FAM107B: variants seen among roughly 807,000 people sequenced by gnomAD.
FAM107B encodes protein FAM107B.
In FAM107B, 21 loss-of-function variants were observed where a neutral mutation model predicts 31.5. The ratio of observed to expected loss-of-function variants is 0.67; its 90% confidence interval spans 0.47 to 0.96. The LOEUF (loss-of-function observed/expected upper bound fraction) is 0.96. Among genes scored for constraint, FAM107B ranks in the 40% least tolerant of loss-of-function variants. The pLI, the probability that FAM107B is intolerant of heterozygous loss-of-function variation, is 0.00. For synonymous variants in FAM107B, 157 were observed against 141.5 expected, an observed-to-expected ratio of 1.11 and a Z score of -0.78; for missense variants, 452 against 377.1, an observed-to-expected ratio of 1.20 and a Z score of -1.64.
chr10:14,576,436 C>A (rs886900958), intron 2 of FAM107B, among the ~76,000 whole-genome samples: 2 of 152,032 alleles, frequency 1.3e-5, no homozygotes, highest in South Asian at 2.1e-4. Flanking sequence ...CTGAGGTAGG[C>A]GAATCATTTG....
chr10:14,657,312 C>T (rs188693544), intron 2 of FAM107B, among the ~76,000 whole-genome samples: 7 of 152,264 alleles, frequency 4.6e-5, no homozygotes, highest in South Asian at 2.1e-4. Context: ...TTAACAGATT[C>T]GGCCTAGGAG....
chr10:14,603,994 G>T (rs1483981377), intron 2 of FAM107B, among the ~76,000 whole-genome samples: 1 of 147,226 alleles, frequency 6.8e-6, no homozygotes, highest in African/African-American at 2.4e-5. Context: ...AGCGGCCCCC[G>T]CCTCCGCGGC....
chr10:14,764,248 T>G (rs1479464840), intron 1 of FAM107B, among the ~76,000 whole-genome samples: 1 of 152,364 alleles, frequency 6.6e-6, no homozygotes, highest in African/African-American at 2.4e-5. Context: ...ATAAGTTATG[T>G]GAGGCACATC....
chr10:14,627,088 C>T (rs577809686), intron 2 of FAM107B, among the ~76,000 whole-genome samples: 22 of 152,278 alleles, frequency 1.4e-4, no homozygotes, highest in African/African-American at 5.3e-4. Context: ...AGGTTATTTA[C>T]AAGACAGACA....
At chr10:14,623,671 T>C (rs1224891425) in intron 2 of FAM107B, among the ~76,000 whole-genome samples, 6 of 151,920 alleles carry the variant, frequency 3.9e-5, no homozygotes, top group African/African-American at 9.7e-5. Flanking sequence ...ACTAAAAATA[T>C]AAAAATTAGC....
intron 1 of FAM107B, among the ~76,000 whole-genome samples, chr10:14,770,438 A>G (rs1443266353): frequency 6.6e-6 from 1 of 152,070 alleles, no homozygotes; most frequent in Non-Finnish European, 1.5e-5. Flanking sequence ...CAGGAGAATT[A>G]CTTGAACACG....
chr10:14,624,756 C>A (rs908173123), intron 2 of FAM107B, among the ~76,000 whole-genome samples: 2 of 152,162 alleles, frequency 1.3e-5, no homozygotes, highest in African/African-American at 4.8e-5. Flanking sequence ...AAGCAGCTGG[C>A]AAACGCAAGA....
chr10:14,666,402 G>T (rs527969618), intron 2 of FAM107B, among the ~76,000 whole-genome samples: 27 of 152,212 alleles, frequency 1.8e-4, no homozygotes, highest in Non-Finnish European at 3.7e-4. Flanking sequence ...CAGATCTCAT[G>T]AGAACTCACT....
At position 14,766,499 on chromosome 10, in the gene FAM107B, G is replaced by A. The variant is rs181881518; in HGVS notation, c.411+7754C>T. ...TCCTTGTCAGGTAGAACAATAGGAG[G>A]TGAGTTCAGAGAGGTACTTTGTATT... On this transcript the variant is annotated intron_variant, in intron 1 of 4. Coordinates refer to ENST00000181796, the MANE Select transcript of FAM107B (RefSeq NM_031453.4). Among the ~76,000 whole-genome samples the A allele has an allele frequency of 3.1e-3, 470 of 152,238 alleles. 1 individual carries two copies. The highest frequency in any genetic ancestry group is 5.6e-3 in the Non-Finnish European group (384 of 68,018).
chr10:14,522,011 G>T lies in FAM107B; in HGVS notation c.662C>A (p.Ala221Asp). The change falls in exon 4 of 5, where the codon GCT (alanine) becomes GAT (aspartate). Residue 221 changes from alanine (A) to aspartate (D), a missense_variant. By Grantham distance (126) the Ala-to-Asp change is moderately radical. Coordinates refer to ENST00000181796, the MANE Select transcript of FAM107B (RefSeq NM_031453.4). ...CTGCAATTCTGGTTTGTTCTGAGGAGCAAGACCCCTGCGAAAGAGCATTAA... is the reference window on the plus strand; with the variant it reads ...CTGCAATTCTGGTTTGTTCTGAGGATCAAGACCCCTGCGAAAGAGCATTAA... ...ELLMNQKRGLAPQNKPELQKV... is the reference protein window; with the variant it reads ...ELLMNQKRGLDPQNKPELQKV... 1 of 1,609,628 alleles carries T rather than the reference G, an allele frequency of 6.2e-7. No homozygotes were observed.
intron 2 of FAM107B, among the ~76,000 whole-genome samples, chr10:14,559,725 C>G (rs1031030905): frequency 5.8e-5 from 8 of 138,462 alleles, no homozygotes; most frequent in African/African-American, 2.1e-4. Flanking sequence ...GCGCCAGCCA[C>G]CGCGCCTGGC....
At chr10:14,623,439 A>G (rs1853068720) in intron 2 of FAM107B, among the ~76,000 whole-genome samples, 1 of 152,238 alleles carries the variant, frequency 6.6e-6, no homozygotes, top group African/African-American at 2.4e-5. Flanking sequence ...CAGACATTCA[A>G]AGGAGAGTGA....
intron 2 of FAM107B, among the ~76,000 whole-genome samples, chr10:14,650,913 C>A (rs9630136): frequency 0.097 from 14,709 of 152,250 alleles, 866 homozygotes; most frequent in South Asian, 0.17. Flanking sequence ...ATAAGTTCAG[C>A]GTTAAGTGTT....
At chr10:14,608,696 C>T (rs774924735) in intron 2 of FAM107B, among the ~76,000 whole-genome samples, 5 of 152,272 alleles carry the variant, frequency 3.3e-5, no homozygotes, top group Admixed American at 2.0e-4. Flanking sequence ...GGAGCTCTAG[C>T]GTTATGGGTC....
chr10:14,544,181 C>T (rs1848496934), intron 2 of FAM107B, among the ~76,000 whole-genome samples: 1 of 152,118 alleles, frequency 6.6e-6, no homozygotes, highest in Admixed American at 6.5e-5. Context: ...CTCCCAGCTA[C>T]CACAGTCAAG....
At position 14,544,007 on chromosome 10, in the gene FAM107B, T is replaced by C. The variant is rs547634308; in HGVS notation, c.470-13492A>G. Reference sequence around the variant, plus strand: ...CTGACTTCTTTACATGAAGCCTACATTGAGTAAGTTTTTAGGTACAGATGC... The same window carrying C: ...CTGACTTCTTTACATGAAGCCTACACTGAGTAAGTTTTTAGGTACAGATGC... On this transcript the variant is annotated intron_variant, in intron 2 of 4. Coordinates refer to ENST00000181796, the MANE Select transcript of FAM107B (RefSeq NM_031453.4). Among the ~76,000 whole-genome samples, 34 of 152,258 alleles carry C rather than the reference T, an allele frequency of 2.2e-4. No homozygotes were observed. In the South Asian group the frequency reaches 3.5e-3, roughly 16 times the overall value.
intron 2 of FAM107B, among the ~76,000 whole-genome samples, chr10:14,577,005 T>G (rs1486769733): frequency 6.6e-6 from 1 of 152,244 alleles, no homozygotes; most frequent in Non-Finnish European, 1.5e-5. Flanking sequence ...TTTTGATCAA[T>G]AATTGTTTCT....
intron 2 of FAM107B, among the ~76,000 whole-genome samples, chr10:14,582,380 T>TTC (rs889246130): frequency 1.4e-5 from 2 of 141,600 alleles, no homozygotes; most frequent in Non-Finnish European, 3.1e-5. Context: ...CTTTTCTTTT[T>TTC]TTTTTTTTTT....
At chr10:14,528,895 C>G (rs1387965397) in intron 3 of FAM107B, among the ~76,000 whole-genome samples, 1 of 152,196 alleles carries the variant, frequency 6.6e-6, no homozygotes, top group Non-Finnish European at 1.5e-5. Flanking sequence ...TGGTTTTACT[C>G]TGACCTTTAT....
Sources: allele counts gnomAD v4.1 joint callset (sites outside exome capture counted in the v4.1 genomes callset), GRCh38; gene constraint gnomAD v4.1.1; transcripts MANE v1.5; gene names NCBI Gene and HGNC (gene_info 2026-07-23, HGNC 2026-07-21).